The following DLGAP1 variants were observed in gnomAD, a reference collection of about 807,000 sequenced individuals.
The protein encoded by DLGAP1 is disks large-associated protein 1.
A neutral mutation model predicts 90.8 loss-of-function variants in DLGAP1; 11 were observed. That is an observed-to-expected ratio of 0.12 (90% CI 0.08 to 0.20). The LOEUF is 0.20. Among genes scored for constraint, DLGAP1 ranks in the 10% least tolerant of loss-of-function variants. The pLI is 1.00. For synonymous variants in DLGAP1, 558 were observed against 540.7 expected, an observed-to-expected ratio of 1.03 and a Z score of -0.44; for missense variants, 1,050 against 1,333.8, an observed-to-expected ratio of 0.79 and a Z score of 3.31.
chr18:3,500,644 T>C (rs570952960), intron 12 of DLGAP1, among the ~76,000 whole-genome samples: 2 of 152,266 alleles, frequency 1.3e-5, no homozygotes, highest in Non-Finnish European at 2.9e-5. Flanking sequence ...ACTCTGATTG[T>C]GCTTGTTCAT....
chr18:3,563,760 T>C (rs2054280709), intron 9 of DLGAP1, among the ~76,000 whole-genome samples: 1 of 152,198 alleles, frequency 6.6e-6, no homozygotes, highest in East Asian at 1.9e-4. Context: ...TGAGCCACCG[T>C]GCCCAGCTGA....
rs1251860590 is a variant in DLGAP1, at chr18:3,600,947, T to G, written c.1592-18699A>C. Among the ~76,000 whole-genome samples, 36 of 81,052 alleles carry G rather than the reference T, an allele frequency of 4.4e-4. 4 individuals carry two copies. Among genetic ancestry groups the G allele is most frequent in the African/African-American group, 6.6e-4 (14 of 21,298 alleles). The allele number at this position is 81,052 out of a possible 152,430, so 53.2% of individuals were successfully genotyped here. On this transcript the variant is annotated intron_variant, in intron 7 of 12. Transcript: ENST00000315677. ...ATATATATAGATATATAGATAGATA[T>G]ATAGATATATATAGATATATAGATA... is the stretch of plus-strand genomic sequence containing the variant.
intron 4 of DLGAP1, chr18:3,845,316 C>CT: frequency 6.3e-7 from 1 of 1,598,054 alleles, no homozygotes. Flanking sequence ...TATAGTGCAG[C>CT]TGAGAGCATT....
intron 1 of DLGAP1, among the ~76,000 whole-genome samples, chr18:4,309,706 T>C (rs545760935): frequency 9.2e-5 from 14 of 152,300 alleles, no homozygotes; most frequent in African/African-American, 3.4e-4. Context: ...TTCGGATTTC[T>C]AGGAATGAGG....
At chr18:4,093,237 T>C (rs2075617003) in intron 2 of DLGAP1, among the ~76,000 whole-genome samples, 2 of 152,194 alleles carry the variant, frequency 1.3e-5, no homozygotes, top group Middle Eastern at 6.8e-3. Context: ...AACTATTGAA[T>C]AAGAATATTT....
chr18:4,319,508 T>C (rs2080624707), intron 1 of DLGAP1, among the ~76,000 whole-genome samples: 2 of 152,146 alleles, frequency 1.3e-5, no homozygotes, highest in Admixed American at 1.3e-4. Flanking sequence ...AGGGGGATCC[T>C]GGGAGGAGAA....
At position 3,783,589 on chromosome 18, in the gene DLGAP1, T is replaced by C. The variant is rs575140617; in HGVS notation, c.1172+30470A>G. Among the ~76,000 whole-genome samples the C allele has an allele frequency of 3.8e-3, 584 of 152,198 alleles. 9 individuals carry two copies. Among genetic ancestry groups the C allele is most frequent in the South Asian group, 0.036 (173 of 4,822 alleles). On this transcript the variant is annotated intron_variant, in intron 5 of 12. Transcript: ENST00000315677. ...AATGGGCAAATCCATAGAGACAAAG[T>C]AGAATGGAGCTATCTGGGGCTGTGG...
intron 1 of DLGAP1, among the ~76,000 whole-genome samples, chr18:4,249,997 C>G (rs1185428817): frequency 1.3e-5 from 2 of 152,214 alleles, no homozygotes; most frequent in African/African-American, 4.8e-5. Flanking sequence ...TATCCTTCAG[C>G]CATGCATCTT....
At chr18:3,500,024 G>A (rs1448471018) in intron 12 of DLGAP1, among the ~76,000 whole-genome samples, 1 of 152,206 alleles carries the variant, frequency 6.6e-6, no homozygotes, top group Non-Finnish European at 1.5e-5. Context: ...GGTCACGGGA[G>A]AGGGAGGCCA....
At chr18:4,065,205 A>C (rs556358593) in intron 2 of DLGAP1, among the ~76,000 whole-genome samples, 2 of 152,244 alleles carry the variant, frequency 1.3e-5, no homozygotes, top group East Asian at 1.9e-4. Flanking sequence ...ATATATAATA[A>C]ACTCATAGTT....
chr18:3,847,806 A>G (rs888838954), intron 4 of DLGAP1, among the ~76,000 whole-genome samples: 7 of 152,150 alleles, frequency 4.6e-5, no homozygotes, highest in Admixed American at 1.3e-4. Flanking sequence ...TGCCTACACA[A>G]AGTGCCCCAA....
intron 1 of DLGAP1, among the ~76,000 whole-genome samples, chr18:4,325,202 T>G (rs945644690): frequency 1.3e-5 from 2 of 152,164 alleles, no homozygotes; most frequent in African/African-American, 4.8e-5. Context: ...ATCACTCGCA[T>G]TCCTATACAC....
chr18:4,095,807 G>C (rs978851772), intron 2 of DLGAP1, among the ~76,000 whole-genome samples: 3 of 151,972 alleles, frequency 2.0e-5, no homozygotes, highest in Non-Finnish European at 4.4e-5. Flanking sequence ...CTTCAGATTT[G>C]ACTTCTCTCC....
chr18:3,714,928 C>T (rs567872347), intron 7 of DLGAP1, among the ~76,000 whole-genome samples: 2 of 152,152 alleles, frequency 1.3e-5, no homozygotes, highest in East Asian at 1.9e-4. Flanking sequence ...TGAGCCACCA[C>T]GCCCAGTAAG....
At chr18:3,862,940 A>G (rs2070170708) in intron 4 of DLGAP1, among the ~76,000 whole-genome samples, 1 of 152,260 alleles carries the variant, frequency 6.6e-6, no homozygotes, top group Non-Finnish European at 1.5e-5. Context: ...GGCAATTTGG[A>G]CACCTCTAAT....
At chr18:3,854,868 T>G (rs879866917) in intron 4 of DLGAP1, among the ~76,000 whole-genome samples, 8 of 152,192 alleles carry the variant, frequency 5.3e-5, no homozygotes, top group Non-Finnish European at 1.2e-4. Context: ...CACTGAATGC[T>G]GTGAAGTCTG....
At chr18:4,043,055 G>A (rs1598293081) in intron 2 of DLGAP1, among the ~76,000 whole-genome samples, 1 of 152,166 alleles carries the variant, frequency 6.6e-6, no homozygotes, top group Non-Finnish European at 1.5e-5. Context: ...GTCCTCAGAC[G>A]TAATTTAGGT....
chr18:3,865,956 G>A (rs781512958), intron 4 of DLGAP1, among the ~76,000 whole-genome samples: 6 of 152,188 alleles, frequency 3.9e-5, no homozygotes, highest in Non-Finnish European at 8.8e-5. Flanking sequence ...ATGGGATGGA[G>A]ATGAAAAGAT....
At chr18:3,835,647 CAAAAAAAAAA>C (rs573083559) in intron 4 of DLGAP1, among the ~76,000 whole-genome samples, 1 of 79,628 alleles carries the variant, frequency 1.3e-5, no homozygotes, top group African/African-American at 4.3e-5. Flanking sequence ...GGCTCCGTCT[CAAAAAAAAAA>C]AAAAAAAGAA....
Sources: allele counts gnomAD v4.1 joint callset (sites outside exome capture counted in the v4.1 genomes callset), GRCh38; gene constraint gnomAD v4.1.1; transcripts MANE v1.5; gene names NCBI Gene and HGNC (gene_info 2026-07-23, HGNC 2026-07-21).